The following PCCB variants were observed in gnomAD, a reference collection of about 807,000 sequenced individuals.
The protein encoded by PCCB is propionyl-CoA carboxylase subunit beta, also known as propionyl-CoA carboxylase beta chain, mitochondrial.
In PCCB, 43 loss-of-function variants were observed where a neutral mutation model predicts 60.7. The ratio of observed to expected loss-of-function variants is 0.71; its 90% CI spans 0.55 to 0.91. PCCB has a LOEUF of 0.91. PCCB is among the 40% of genes least tolerant of loss of function. The pLI is 0.00. For missense variants in PCCB, 766 were observed against 702.8 expected (o/e 1.09, Z -1.02); for synonymous variants, 276 against 255.9 (o/e 1.08, Z -0.75).
intron 7 of PCCB, among the ~76,000 whole-genome samples, chr3:136,294,936 G>T (rs1266563010): frequency 6.6e-6 from 1 of 152,164 alleles, no homozygotes; most frequent in Non-Finnish European, 1.5e-5. Context: ...ACAACTTTAA[G>T]ATTACGTACC....
intron 10 of PCCB, among the ~76,000 whole-genome samples, chr3:136,323,346 C>T (rs1274009235): frequency 6.6e-6 from 1 of 152,150 alleles, no homozygotes; most frequent in East Asian, 1.9e-4. Context: ...GATCTTTCTT[C>T]TGCCTGCTCA....
At chr3:136,288,179 T>A (rs2108188685) in intron 6 of PCCB, among the ~76,000 whole-genome samples, 1 of 152,358 alleles carries the variant, frequency 6.6e-6, no homozygotes, top group Non-Finnish European at 1.5e-5. Flanking sequence ...GGTATGTTTA[T>A]GACTCAGAAT....
At chr3:136,265,761 T>C (rs1941966215) in intron 5 of PCCB, among the ~76,000 whole-genome samples, 1 of 152,122 alleles carries the variant, frequency 6.6e-6, no homozygotes, top group Non-Finnish European at 1.5e-5. Context: ...TACATTACCA[T>C]GAGCAATGTG....
At chr3:136,281,565 T>C (rs1038495056) in intron 5 of PCCB, among the ~76,000 whole-genome samples, 3 of 152,166 alleles carry the variant, frequency 2.0e-5, no homozygotes, top group African/African-American at 7.2e-5. Context: ...ATTGAACATA[T>C]TTAAGACAGT....
chr3:136,275,073 A>G (rs1347261803), intron 5 of PCCB, among the ~76,000 whole-genome samples: 1 of 152,000 alleles, frequency 6.6e-6, no homozygotes, highest in Non-Finnish European at 1.5e-5. Context: ...TGCCCTCCCA[A>G]AGTGCTAGGA....
chr3:136,291,698 A>G (rs964993903), intron 6 of PCCB, among the ~76,000 whole-genome samples: 1 of 152,190 alleles, frequency 6.6e-6, no homozygotes, highest in African/African-American at 2.4e-5. Context: ...AGTTTCTGAT[A>G]AAACTTCAGC....
chr3:136,263,828 A>G (rs970663912), intron 5 of PCCB, among the ~76,000 whole-genome samples: 13 of 152,126 alleles, frequency 8.5e-5, no homozygotes, highest in Non-Finnish European at 1.9e-4. Context: ...CCTGGCCAAC[A>G]TGGTGAAATC....
chr3:136,299,924 A>G (rs1398533650), intron 8 of PCCB, among the ~76,000 whole-genome samples: 7 of 151,842 alleles, frequency 4.6e-5, no homozygotes, highest in Non-Finnish European at 8.8e-5. Context: ...ATATGTATGC[A>G]TATGTATATG....
chr3:136,326,999 G>C (rs1364690815), intron 11 of PCCB, 89 bp downstream of exon 11: 1 of 1,121,714 alleles, frequency 8.9e-7, no homozygotes, highest in Non-Finnish European at 1.4e-6. Flanking sequence ...AGAACTCCCC[G>C]AGGACTTGTG....
chr3:136,310,847 TTATA>T (rs1934636597), intron 9 of PCCB, among the ~76,000 whole-genome samples: 1 of 152,104 alleles, frequency 6.6e-6, no homozygotes, highest in African/African-American at 2.4e-5. Context: ...TCACAATTAT[TTATA>T]TAGACGCTGA....
chr3:136,299,530 ATATGCATGTG>A, intron 8 of PCCB, among the ~76,000 whole-genome samples: 1 of 123,142 alleles, frequency 8.1e-6, no homozygotes, highest in South Asian at 2.4e-4. Flanking sequence ...GTATGTATGT[ATATGCATGTG>A]TATAGGTATG....
rs1367430876 is a variant in PCCB at position 136,304,277 on chromosome 3, C to T, written c.966+3166C>T. Among the ~76,000 whole-genome samples, 2 of 120,154 alleles carry T rather than the reference C, an allele frequency of 1.7e-5. 1 individual carries two copies. The highest frequency in any genetic ancestry group is 3.7e-5 in the Non-Finnish European group (2 of 54,036). The allele number at this position is 120,154 out of a possible 152,430, so 78.8% of individuals were successfully genotyped here. A position where few individuals can be genotyped will look rare whatever the true frequency, so the allele number is the denominator to read the frequency against. On this transcript the variant is annotated intron_variant, in intron 9 of 14. Transcript: ENST00000251654. ...TCAAGTGATCTTCCCACTTCAGCCT[C>T]CTGAGTAGCTGGGACTATAGCTGCA...
At chr3:136,269,565 G>C (rs893325257) in intron 5 of PCCB, among the ~76,000 whole-genome samples, 1 of 152,024 alleles carries the variant, frequency 6.6e-6, no homozygotes, top group African/African-American at 2.4e-5. Context: ...AGAACCTGTA[G>C]TACAGTGTTA....
chr3:136,310,754 C>G (rs1324986713), intron 9 of PCCB, among the ~76,000 whole-genome samples: 1 of 152,016 alleles, frequency 6.6e-6, no homozygotes, highest in Admixed American at 6.5e-5. Flanking sequence ...TATCTGTGGC[C>G]TACTGGGATG....
intron 9 of PCCB, among the ~76,000 whole-genome samples, chr3:136,310,344 CAA>C (rs1934613536): frequency 6.7e-6 from 1 of 149,088 alleles, no homozygotes; most frequent in Non-Finnish European, 1.5e-5. Context: ...GCCTGGGCAA[CAA>C]GAGCGAAACT....
intron 5 of PCCB, among the ~76,000 whole-genome samples, chr3:136,271,495 A>G (rs1181999242): frequency 6.6e-6 from 1 of 152,086 alleles, no homozygotes; most frequent in Non-Finnish European, 1.5e-5. Flanking sequence ...TGAGCATGAG[A>G]TGTGTTTTCA....
intron 7 of PCCB, among the ~76,000 whole-genome samples, chr3:136,294,478 AT>A (rs201333317): frequency 1.1e-3 from 157 of 144,688 alleles, no homozygotes; most frequent in Non-Finnish European, 1.2e-3. Flanking sequence ...CACCCAGCAA[AT>A]TTTTTTTTTT....
In PCCB at chr3:136,306,865, T is replaced by C. The variant is rs1336178822; in HGVS notation, c.966+5754T>C. 3.3e-5 allele frequency among the ~76,000 whole-genome samples: 4 copies of C among 122,460 alleles called. 1 individual carries two copies. The highest frequency in any genetic ancestry group is 7.3e-5 in the Non-Finnish European group (4 of 54,912). 80.3% of individuals were successfully genotyped at this position (122,460 alleles called of 152,430 possible). A position where few individuals can be genotyped will look rare whatever the true frequency, so the allele number is the denominator to read the frequency against. On this transcript the variant is annotated intron_variant, in intron 9 of 14. Transcript: ENST00000251654. ...AAAATAGTCCAGAAATAAAATAAGATTCAGATTTATATAATGAAAGAGCAC... is the reference window on the plus strand; with the variant it reads ...AAAATAGTCCAGAAATAAAATAAGACTCAGATTTATATAATGAAAGAGCAC...
intron 6 of PCCB, among the ~76,000 whole-genome samples, chr3:136,285,877 T>C (rs1199410038): frequency 2.0e-5 from 3 of 152,252 alleles, no homozygotes; most frequent in African/African-American, 7.2e-5. Context: ...ATTCTTAAGC[T>C]GTCACCATTC....
Sources: allele counts gnomAD v4.1 joint callset (sites outside exome capture counted in the v4.1 genomes callset), GRCh38; gene constraint gnomAD v4.1.1; transcripts MANE v1.5; gene names NCBI Gene and HGNC (gene_info 2026-07-23, HGNC 2026-07-21).